Variants in MRTFB observed in about 807,000 individuals in gnomAD.
MRTFB encodes myocardin related transcription factor B, also known as myocardin-related transcription factor B.
MRTFB carries 29 observed loss-of-function variants against 104.2 expected under a neutral mutation model. That is an observed-to-expected ratio of 0.28 (90% CI 0.21 to 0.38). The LOEUF (loss-of-function observed/expected upper bound fraction) is 0.38. MRTFB is among the 10% of genes least tolerant of loss of function. The pLI is 1.00. For synonymous variants in MRTFB, 535 were observed against 519.5 expected (o/e 1.03, Z -0.41); for missense variants, 1,270 against 1,341.6 (o/e 0.95, Z 0.83).
chr16:14,218,884 C>T lies in MRTFB; in HGVS notation c.579C>T (p.Asp193=), dbSNP rs758337180. The change falls in exon 8 of 17, where the codon GAC becomes GAT. Residue 193 remains aspartate, a synonymous_variant. Coordinates refer to ENST00000571589, the MANE Select transcript of MRTFB (RefSeq NM_001308142.2). ...GDFSFDEDSS[D]ALSPDQPASQ... The stretch of plus-strand genomic sequence containing the variant: ...TCTCATTTGATGAAGACAGCAGTGA[C>T]GCTTTGTCTCCGGACCAGCCTGCGA... 1.5e-5 allele frequency: 24 copies of T among 1,613,906 alleles called. No individual in the cohort carries two copies. The highest frequency in any genetic ancestry group is 1.7e-5 in the Non-Finnish European group (20 of 1,180,002).
At chr16:14,159,791 G>A (rs906186227) in intron 3 of MRTFB, among the ~76,000 whole-genome samples, 4 of 150,298 alleles carry the variant, frequency 2.7e-5, no homozygotes, top group Non-Finnish European at 1.5e-5. Context: ...TTAGCCGGGC[G>A]TAGTGGCGGG....
At chr16:14,010,932 A>C in the MRTFB span, among the ~76,000 whole-genome samples, 1 of 152,248 alleles carries the variant, frequency 6.6e-6, no homozygotes, top group Non-Finnish European at 1.5e-5. Context: ...AGAAAGATCT[A>C]TTGGACAGTG....
chr16:14,245,413 C>CCA (rs2042968822), intron 10 of MRTFB, 115 bp from the exon 11 acceptor site: 5 of 843,846 alleles, frequency 5.9e-6, no homozygotes. Context: ...ATTCAGCCTT[C>CCA]CAATCCATAA....
chr16:14,114,527 G>T (rs1423118524), intron 2 of MRTFB, among the ~76,000 whole-genome samples: 1 of 152,150 alleles, frequency 6.6e-6, no homozygotes, highest in African/African-American at 2.4e-5. Flanking sequence ...CTGGGTAAAA[G>T]CTCGTTTCCT....
the MRTFB span, among the ~76,000 whole-genome samples, chr16:14,046,547 C>T: frequency 6.6e-6 from 1 of 152,164 alleles, no homozygotes; most frequent in Middle Eastern, 3.2e-3. Flanking sequence ...TCCAGCATTT[C>T]TTGGCCTGCC....
At chr16:14,212,875 C>CT (rs2041254352) in intron 5 of MRTFB, among the ~76,000 whole-genome samples, 1 of 152,128 alleles carries the variant, frequency 6.6e-6, no homozygotes, top group Non-Finnish European at 1.5e-5. Flanking sequence ...TTCAACTCTG[C>CT]TTTATTCTTT....
intron 2 of MRTFB, among the ~76,000 whole-genome samples, chr16:14,102,049 A>G (rs1284756214): frequency 6.6e-6 from 1 of 152,146 alleles, no homozygotes; most frequent in Admixed American, 6.5e-5. Context: ...AAGAAACAAA[A>G]GGAGAAAAAT....
chr16:14,186,950 C>T (rs1445850017), intron 3 of MRTFB: 1 of 1,598,138 alleles, frequency 6.3e-7, no homozygotes, highest in East Asian at 2.2e-5. Flanking sequence ...AACAGGGCTT[C>T]CCAGAGATTT....
At chr16:14,078,433 C>A (rs1411835657) in intron 1 of MRTFB, among the ~76,000 whole-genome samples, 1 of 152,112 alleles carries the variant, frequency 6.6e-6, no homozygotes, top group African/African-American at 2.4e-5. Flanking sequence ...CCCTCTCCCC[C>A]TTTTTTAGAG....
chr16:14,159,695 C>T (rs1330237093), intron 3 of MRTFB, among the ~76,000 whole-genome samples: 5 of 151,722 alleles, frequency 3.3e-5, no homozygotes, highest in African/African-American at 7.3e-5. Flanking sequence ...TTTGGGAGGC[C>T]GAGGCGGGCG....
intron 3 of MRTFB, among the ~76,000 whole-genome samples, chr16:14,198,865 CTGCCT>C (rs2040556014): frequency 6.6e-6 from 1 of 152,228 alleles, no homozygotes; most frequent in Non-Finnish European, 1.5e-5. Context: ...CCCCTTCCTA[CTGCCT>C]TCAAGGTACC....
Position 14,261,527 on chromosome 16 carries a change from A to C in MRTFB, c.*83A>C. ...GGTCAGTTTTTAGAGATAGATCTAT[A>C]GTTGCATTGTTGCAATCAAAATATG... On this transcript the variant is annotated 3_prime_UTR_variant, in exon 17 of 17. Transcript: ENST00000571589. The C allele has an allele frequency of 6.0e-6, 8 of 1,343,056 alleles. No homozygotes were observed. In the South Asian group the frequency reaches 1.2e-4, roughly 19 times the overall value. The allele number at this position is 1,343,056 out of a possible 1,614,324, so 83.2% of individuals were successfully genotyped here.
intron 16 of MRTFB, 65 bp downstream of exon 16, chr16:14,258,226 T>C (rs1465661944): frequency 7.5e-6 from 10 of 1,329,144 alleles, no homozygotes; most frequent in East Asian, 6.9e-5. Flanking sequence ...CATGAAAGTT[T>C]TTCTTAAGCA....
intron 2 of MRTFB, among the ~76,000 whole-genome samples, chr16:14,090,425 C>T (rs965599240): frequency 1.3e-5 from 2 of 152,148 alleles, no homozygotes; most frequent in African/African-American, 4.8e-5. Flanking sequence ...TTAAAATGCA[C>T]GCATCATCCC....
At chr16:14,099,736 C>T (rs1224174147) in intron 2 of MRTFB, among the ~76,000 whole-genome samples, 3 of 150,760 alleles carry the variant, frequency 2.0e-5, no homozygotes, top group Non-Finnish European at 3.0e-5. Flanking sequence ...GGCACGATCT[C>T]GGCTCACTGC....
chr16:14,092,562 A>G (rs868412649), intron 2 of MRTFB, among the ~76,000 whole-genome samples: 2 of 152,180 alleles, frequency 1.3e-5, no homozygotes. Context: ...TAATGCCAGT[A>G]ATTATCTGCT....
In MRTFB at chr16:14,263,337, T is replaced by C. The variant is rs1399375262; in HGVS notation, c.*1893T>C. 2 of 152,238 alleles carry C rather than the reference T, an allele frequency of 1.3e-5. No individual in the cohort carries two copies. The highest frequency in any genetic ancestry group is 4.8e-5 in the African/African-American group (2 of 41,462). The allele number at this position is 152,238 out of a possible 1,614,324, so 9.4% of individuals were successfully genotyped here. A position where few individuals can be genotyped will look rare whatever the true frequency, so the allele number is the denominator to read the frequency against. On this transcript the variant is annotated 3_prime_UTR_variant, in exon 17 of 17. Transcript: ENST00000571589. ...TCTGTGAATCCTCGAGTCAGTTCCA[T>C]TGAGAGGGGCCTGTCTCCAGGGCCA... is the stretch of plus-strand genomic sequence containing the variant.
chr16:14,159,929 CAAAAAAAAAA>C (rs552159164), intron 3 of MRTFB, among the ~76,000 whole-genome samples: 43 of 55,634 alleles, frequency 7.7e-4, no homozygotes, highest in Non-Finnish European at 1.1e-3. Context: ...GACTCCGTCT[CAAAAAAAAAA>C]AAAAAAAAAA....
intron 16 of MRTFB, 125 bp downstream of exon 16, chr16:14,258,286 T>G: frequency 2.6e-6 from 2 of 763,192 alleles, no homozygotes. Flanking sequence ...TAACTGAATT[T>G]ACTGTTTTAA....
Sources: gnomAD v4.1 joint callset for allele counts (sites outside exome capture counted in the v4.1 genomes callset) on GRCh38, gnomAD v4.1.1 for gene constraint, MANE v1.5 for transcripts, NCBI Gene and HGNC (gene_info 2026-07-23, HGNC 2026-07-21) for gene names.